Variants in EIF3D observed in about 807,000 individuals in gnomAD.
EIF3D encodes the protein eIF3 p66.
A neutral mutation model predicts 75.4 loss-of-function variants in EIF3D; 10 were observed. The ratio of observed to expected loss-of-function variants is 0.13; its 90% CI spans 0.08 to 0.22. EIF3D has a LOEUF of 0.22. Ranked by LOEUF, EIF3D falls within the 10% of genes least tolerant of loss-of-function variation. The probability of loss-of-function intolerance (pLI) is 1.00; values close to 1 mark genes in which losing one functional copy is unlikely to be tolerated. For synonymous variants in EIF3D, 246 were observed against 248.3 expected (o/e 0.99, Z 0.09); for missense variants, 394 against 708.0 (o/e 0.56, Z 5.03).
In EIF3D at chr22:36,511,714, A is replaced by G. The variant is rs758347988; in HGVS notation, c.1422T>C (p.Asn474=). The part of the protein sequence containing the change: ...VILGTQQFKP[N]EFASQINLSV... Reference sequence around the variant, plus strand: ...TCAGGTTGATCTGGCTGGCAAACTCATTAGGCTTGAACTGCTGGGTGCCTA... The same window carrying G: ...TCAGGTTGATCTGGCTGGCAAACTCGTTAGGCTTGAACTGCTGGGTGCCTA... Residue 474 remains asparagine (N), a synonymous_variant, in exon 14 of 15, where the codon AAT becomes AAC. Coordinates refer to ENST00000216190, the MANE Select transcript of EIF3D (RefSeq NM_003753.4). 6 of 1,614,088 alleles carry G rather than the reference A, an allele frequency of 3.7e-6. No homozygotes were observed. The South Asian group carries it at 6.6e-5, about 18-fold the overall frequency.
chr22:36,517,421 T>C lies in EIF3D; in HGVS notation c.870A>G (p.Thr290=). 2 of 1,609,398 alleles carry C rather than the reference T, an allele frequency of 1.2e-6. No homozygotes were observed. Among genetic ancestry groups the C allele is most frequent in the Non-Finnish European group, 1.7e-6 (2 of 1,178,288 alleles). ...GGGGCTCATTGGCAGTCTCACTCAC[T>C]GTCAGGAGGTCTGCAAAAGCGTGGC... The part of the protein sequence containing the change: ...KRDNSDFDLL[T]VSETANEPPQ... The change falls in exon 10 of 15, where the codon ACA becomes ACG. Residue 290 remains threonine (T), a synonymous_variant. Coordinates refer to ENST00000216190, the MANE Select transcript of EIF3D (RefSeq NM_003753.4).
At chr22:36,527,739 G>A (rs550687053) in intron 1 of EIF3D, among the ~76,000 whole-genome samples, 13 of 152,092 alleles carry the variant, frequency 8.5e-5, no homozygotes, top group African/African-American at 2.2e-4. Context: ...CTCAGGAGGC[G>A]GAGGTTGCAG....
chr22:36,514,985 C>A (rs994550051), intron 12 of EIF3D, among the ~76,000 whole-genome samples: 1 of 152,098 alleles, frequency 6.6e-6, no homozygotes, highest in Admixed American at 6.5e-5. Context: ...CCAACCTCCC[C>A]CCTCTCTTTC....
At chr22:36,524,331 C>T (rs1394785770) in intron 4 of EIF3D, among the ~76,000 whole-genome samples, 1 of 152,142 alleles carries the variant, frequency 6.6e-6, no homozygotes, top group East Asian at 1.9e-4. Context: ...ACAGGTGCAC[C>T]TTCTTATCCA....
At chr22:36,520,187 G>A (rs1029260774) in intron 7 of EIF3D, among the ~76,000 whole-genome samples, 3 of 149,120 alleles carry the variant, frequency 2.0e-5, no homozygotes, top group East Asian at 2.0e-4. Context: ...ATGGAGTTTC[G>A]CTCTTGTTGC....
At position 36,520,011 on chromosome 22, in the gene EIF3D, G is replaced by A. The variant is rs536634982; in HGVS notation, c.579-474C>T. On this transcript the variant is annotated intron_variant, in intron 7 of 14. Coordinates refer to ENST00000216190, the MANE Select transcript of EIF3D (RefSeq NM_003753.4). ...CTTTTGCTCAGGATGCCAGGAAACA[G>A]AAATATACAGTTTAATAATCAGCAA... Among the ~76,000 whole-genome samples the A allele has an allele frequency of 2.6e-5, 4 of 152,316 alleles. No individual in the cohort carries two copies. In the South Asian group the frequency reaches 6.2e-4, roughly 24 times the overall value.
chr22:36,522,476 T>G (rs1934529717), intron 6 of EIF3D, among the ~76,000 whole-genome samples: 1 of 152,220 alleles, frequency 6.6e-6, no homozygotes, highest in Non-Finnish European at 1.5e-5. Context: ...GTGTAGACTT[T>G]CATATACTGA....
chr22:36,526,463 T>TA (rs1269538609), intron 1 of EIF3D, among the ~76,000 whole-genome samples: 3 of 152,190 alleles, frequency 2.0e-5, no homozygotes, highest in Admixed American at 6.5e-5. Context: ...CTGTGTTACA[T>TA]AAGTGTTTAA....
rs755719174 is a variant in EIF3D, at chr22:36,519,542, G to C, written c.579-5C>G. ...TCTAGGGCCCCACAACACTCACTGT[G>C]GGAAGAGCAGGCAAAGACATGCAAA... On this transcript the variant is annotated splice_region_variant and splice_polypyrimidine_tract_variant and intron_variant, in intron 7 of 14. Coordinates refer to ENST00000216190, the MANE Select transcript of EIF3D (RefSeq NM_003753.4). The C allele has an allele frequency of 8.1e-6, 13 of 1,614,104 alleles. 1 individual carries two copies. The Middle Eastern group carries it at 1.5e-3, about 184-fold the overall frequency.
At position 36,526,150 on chromosome 22, in the gene EIF3D, G is replaced by C; in HGVS notation, c.-10-19C>G. On this transcript the variant is annotated intron_variant, in intron 1 of 14. Coordinates refer to ENST00000216190, the MANE Select transcript of EIF3D (RefSeq NM_003753.4). ...CCAAAATCTGAAAAATATAAATCAT[G>C]TGAGTAGCGGCATGAACGAAGGCCT... The C allele has an allele frequency of 6.3e-7, 1 of 1,583,254 alleles. No homozygotes were observed. The highest frequency in any genetic ancestry group is 1.3e-5 in the African/African-American group (1 of 74,080).
chr22:36,513,724 T>C (rs1410377632), intron 12 of EIF3D, among the ~76,000 whole-genome samples: 2 of 152,168 alleles, frequency 1.3e-5, no homozygotes, highest in Non-Finnish European at 2.9e-5. Context: ...TGTGGCACAT[T>C]TTTTGGAGAT....
In EIF3D at chr22:36,511,485, A is replaced by C; in HGVS notation, c.1633+18T>G. 1 of 1,613,338 alleles carries C rather than the reference A, an allele frequency of 6.2e-7. No homozygotes were observed. On this transcript the variant is annotated intron_variant, in intron 14 of 14. Transcript: ENST00000216190. ...CCCACAGATCACTCTAGACCTCAGA[A>C]AGTGGGCTGCTACACACCTTCTTCT...
At chr22:36,521,607 C>T (rs759152167) in intron 6 of EIF3D, among the ~76,000 whole-genome samples, 2 of 152,076 alleles carry the variant, frequency 1.3e-5, no homozygotes, top group Non-Finnish European at 2.9e-5. Flanking sequence ...ATTCAAAGGA[C>T]TCTTATTTGG....
chr22:36,523,473 C>A (rs1477689243), intron 5 of EIF3D, among the ~76,000 whole-genome samples, 192 bp from the exon 6 acceptor site: 1 of 152,172 alleles, frequency 6.6e-6, no homozygotes, highest in Non-Finnish European at 1.5e-5. Flanking sequence ...TACACTGCCT[C>A]CAAATACTGA....
rs760033430 is a variant in EIF3D at position 36,512,449 on chromosome 22, A to G, written c.1349+11T>C. ...CAAGATCAGCTGCCAGCTCCTGCAC[A>G]GGAATCTCACCCAAGCTTGAGGTAC... On this transcript the variant is annotated intron_variant, in intron 13 of 14. Coordinates refer to ENST00000216190, the MANE Select transcript of EIF3D (RefSeq NM_003753.4). The G allele has an allele frequency of 1.2e-4, 187 of 1,613,880 alleles. No individual in the cohort carries two copies. Among genetic ancestry groups the G allele is most frequent in the Non-Finnish European group, 1.5e-4 (179 of 1,179,872 alleles).
At chr22:36,512,872 CA>C in intron 12 of EIF3D, 1 of 409,440 alleles carries the variant, frequency 2.4e-6, no homozygotes, top group Non-Finnish European at 4.5e-6. Flanking sequence ...CACACACACA[CA>C]CACACACTTT....
chr22:36,512,660 G>T, intron 12 of EIF3D, 58 bp from the exon 13 acceptor site: 3 of 1,568,892 alleles, frequency 1.9e-6, no homozygotes, highest in Non-Finnish European at 2.6e-6. Context: ...AAGGTGCTGG[G>T]ACCTCCTCTG....
intron 12 of EIF3D, among the ~76,000 whole-genome samples, chr22:36,513,267 G>C (rs1015171645): frequency 6.6e-6 from 1 of 152,084 alleles, no homozygotes; most frequent in Admixed American, 6.5e-5. Flanking sequence ...GGCAAACACA[G>C]GGCAAAAGAA....
intron 3 of EIF3D, among the ~76,000 whole-genome samples, chr22:36,525,238 A>AATTTTTTTTTTTTTT (rs1569001775): frequency 8.5e-6 from 1 of 117,608 alleles, no homozygotes; most frequent in African/African-American, 3.2e-5. Flanking sequence ...CAGGGGTTTT[A>AATTTTTTTTTTTTTT]CTTTTTTTTT....
Sources: allele counts gnomAD v4.1 joint callset (sites outside exome capture counted in the v4.1 genomes callset), GRCh38; gene constraint gnomAD v4.1.1; transcripts MANE v1.5; gene names NCBI Gene and HGNC (gene_info 2026-07-23, HGNC 2026-07-21).